ABCA4: variants seen among roughly 807,000 people sequenced by gnomAD.
ABCA4 encodes retinal-specific phospholipid-transporting ATPase ABCA4.
ABCA4 carries 196 observed loss-of-function variants against 263.7 expected under a neutral mutation model. The observed-to-expected ratio is 0.74, with a 90% CI of 0.66 to 0.84. The LOEUF (loss-of-function observed/expected upper bound fraction) is 0.84. ABCA4 is among the 40% of genes least tolerant of loss of function. The probability of loss-of-function intolerance (pLI) is 0.00; values close to 1 mark genes in which losing one functional copy is unlikely to be tolerated. For synonymous variants in ABCA4, 1,133 were observed against 1,094.2 expected (o/e 1.04, Z -0.70); for missense variants, 2,792 against 2,855.1 (o/e 0.98, Z 0.50).
chr1:94,094,493 A>G (rs1196755625), intron 6 of ABCA4, among the ~76,000 whole-genome samples: 3 of 152,204 alleles, frequency 2.0e-5, no homozygotes, highest in Non-Finnish European at 2.9e-5. Context: ...AAGCTGAATC[A>G]TGCCACACTG....
chr1:94,001,943 C>T lies in ABCA4; in HGVS notation c.6197G>A (p.Cys2066Tyr), dbSNP rs146991223. 3 of 1,614,194 alleles carry T rather than the reference C, an allele frequency of 1.9e-6. No individual in the cohort carries two copies. Among genetic ancestry groups the T allele is most frequent in the Non-Finnish European group, 2.5e-6 (3 of 1,180,026 alleles). Residue 2066 changes from cysteine (C) to tyrosine (Y), a missense_variant, in exon 45 of 50, where the codon TGC becomes TAC. Transcript: ENST00000370225. ...GCCCCCACTGTACGTGCCAGCCAGG[C>T]AGTCGGCGTAGACAGTCAGGCCCAG... Reference protein sequence around the residue: ...KSLGLTVYADCLAGTYSGGNK... With the variant: ...KSLGLTVYADYLAGTYSGGNK...
intron 6 of ABCA4, among the ~76,000 whole-genome samples, chr1:94,090,807 G>C (rs1661948662): frequency 6.6e-6 from 1 of 152,214 alleles, no homozygotes; most frequent in South Asian, 2.1e-4. Context: ...TAATTAATGA[G>C]TAAATAAACT....
chr1:94,036,557 A>G (rs545287684), intron 26 of ABCA4, among the ~76,000 whole-genome samples, 183 bp downstream of exon 26: 11 of 152,064 alleles, frequency 7.2e-5, no homozygotes, highest in Admixed American at 6.6e-4. Context: ...TTGTATTTTT[A>G]GTACAGATGG....
Position 94,031,125 on chromosome 1 carries a change from G to A in ABCA4, c.4129-5C>T. 1 of 1,614,024 alleles carries A rather than the reference G, an allele frequency of 6.2e-7. No individual in the cohort carries two copies. Among genetic ancestry groups the A allele is most frequent in the Non-Finnish European group, 8.5e-7 (1 of 1,179,964 alleles). Reference sequence around the variant, plus strand: ...AAAGGTAGCCGGGAGCACGATCTGTGGGAGAATAGACGTGGAATAAACATG... The same window carrying A: ...AAAGGTAGCCGGGAGCACGATCTGTAGGAGAATAGACGTGGAATAAACATG... On this transcript the variant is annotated splice_region_variant and splice_polypyrimidine_tract_variant and intron_variant, in intron 27 of 49. Coordinates refer to ENST00000370225, the MANE Select transcript of ABCA4 (RefSeq NM_000350.3).
At chr1:93,996,983 C>T (rs56260099) in intron 48 of ABCA4, among the ~76,000 whole-genome samples, 5,664 of 152,018 alleles carry the variant, frequency 0.037, 369 homozygotes, top group African/African-American at 0.13. Flanking sequence ...TTGCCAAGGG[C>T]GAGGGGGGCA....
chr1:94,061,564 G>A (rs961912304), intron 13 of ABCA4: 11 of 152,692 alleles, frequency 7.2e-5, no homozygotes, highest in African/African-American at 2.4e-4. Flanking sequence ...GCCCTAGGGA[G>A]AGAAGCATAT....
At chr1:94,059,818 G>A (rs889213431) in intron 14 of ABCA4, among the ~76,000 whole-genome samples, 2 of 152,230 alleles carry the variant, frequency 1.3e-5, no homozygotes, top group East Asian at 1.9e-4. Flanking sequence ...TATCATCTAC[G>A]GTGGAGGAGC....
Position 94,031,180 on chromosome 1 carries a change from G to T in ABCA4, c.4129-60C>A, listed in dbSNP as rs560414921. ...TGGCATGGAGATGTCACACGTGCGCGTGCACACACATCTTCATTCTTTTAA... is the reference window on the plus strand; with the variant it reads ...TGGCATGGAGATGTCACACGTGCGCTTGCACACACATCTTCATTCTTTTAA... On this transcript the variant is annotated intron_variant, in intron 27 of 49. Transcript: ENST00000370225. 90 of 1,600,944 alleles carry T rather than the reference G, an allele frequency of 5.6e-5. 1 individual carries two copies. Among genetic ancestry groups the T allele is most frequent in the Middle Eastern group, 5.0e-4 (3 of 6,046 alleles).
chr1:94,037,552 A>G (rs1660374593), intron 24 of ABCA4, among the ~76,000 whole-genome samples: 1 of 152,062 alleles, frequency 6.6e-6, no homozygotes, highest in Non-Finnish European at 1.5e-5. Context: ...TGAGAGGCAG[A>G]GGGAAACGGA....
chr1:94,035,401 A>T (rs1180703215), intron 26 of ABCA4, among the ~76,000 whole-genome samples: 1 of 152,166 alleles, frequency 6.6e-6, no homozygotes, highest in Non-Finnish European at 1.5e-5. Flanking sequence ...CCTGCCCCAC[A>T]CCCACTGTGC....
At chr1:94,094,826 G>A (rs774095595) in intron 6 of ABCA4, among the ~76,000 whole-genome samples, 2 of 152,156 alleles carry the variant, frequency 1.3e-5, no homozygotes, top group African/African-American at 2.4e-5. Flanking sequence ...GATGGGAAGC[G>A]TCCCAACCTC....
Position 94,098,732 on chromosome 1 carries a change from G to T in ABCA4, c.768+62C>A, listed in dbSNP as rs17111045. 18 of 1,582,748 alleles carry T rather than the reference G, an allele frequency of 1.1e-5. No homozygotes were observed. The South Asian group carries it at 1.8e-4, about 16-fold the overall frequency. On this transcript the variant is annotated intron_variant, in intron 6 of 49. Coordinates refer to ENST00000370225, the MANE Select transcript of ABCA4 (RefSeq NM_000350.3). ...CTCACGCCCTCCCCAAGGTCAATTC[G>T]TGAGGCTCTGCTACCCCAGGAATCA... is the stretch of plus-strand genomic sequence containing the variant.
At chr1:94,060,286 A>C (rs1661083478) in intron 14 of ABCA4, among the ~76,000 whole-genome samples, 4 of 152,148 alleles carry the variant, frequency 2.6e-5, no homozygotes, top group Admixed American at 2.6e-4. Flanking sequence ...ACGGAATGGG[A>C]CTGGGAAGTC....
chr1:94,096,837 T>C (rs1262433560), intron 6 of ABCA4, among the ~76,000 whole-genome samples: 1 of 152,188 alleles, frequency 6.6e-6, no homozygotes, highest in Non-Finnish European at 1.5e-5. Context: ...CCCTTCATGG[T>C]GACGAGAGGA....
At chr1:94,068,193 G>A (rs567748301) in intron 11 of ABCA4, among the ~76,000 whole-genome samples, 5 of 152,126 alleles carry the variant, frequency 3.3e-5, no homozygotes, top group South Asian at 2.1e-4. Flanking sequence ...CTGAGAGGGC[G>A]TGGGGCCTCA....
chr1:94,062,484 A>T, intron 13 of ABCA4, 93 bp downstream of exon 13: 2 of 1,506,462 alleles, frequency 1.3e-6, no homozygotes, highest in Non-Finnish European at 1.8e-6. Flanking sequence ...CTCTAAAGAC[A>T]TGGAAGCCTT....
Position 94,056,721 on chromosome 1 carries a change from G to C in ABCA4, c.2262C>G (p.Phe754Leu), listed in dbSNP as rs375943659. Residue 754 changes from phenylalanine to leucine, a missense_variant, in exon 15 of 50, where the codon TTC (phenylalanine) becomes TTG (leucine). Phe to Leu is a conservative substitution (Grantham distance 22). Coordinates refer to ENST00000370225, the MANE Select transcript of ABCA4 (RefSeq NM_000350.3). ...CTGCTGCCAGACTGGCCTTGGAGAA[G>C]AAGGTGCTGAGCAGAAAGCACAGCA... ...TIMLCFLLST[F>L]FSKASLAAAC... 1 of 1,614,122 alleles carries C rather than the reference G, an allele frequency of 6.2e-7. No homozygotes were observed. Among genetic ancestry groups the C allele is most frequent in the Non-Finnish European group, 8.5e-7 (1 of 1,179,998 alleles).
At chr1:94,009,182 C>T (rs1659481103) in intron 40 of ABCA4, among the ~76,000 whole-genome samples, 1 of 152,058 alleles carries the variant, frequency 6.6e-6, no homozygotes, top group African/African-American at 2.4e-5. Context: ...ATACCTGTCT[C>T]ATAGGATTGT....
rs1553189507 is a variant in ABCA4, at chr1:94,031,121, C to T, written c.4129-1G>A. On this transcript the variant is annotated splice_acceptor_variant, in intron 27 of 49. Transcript: ENST00000370225. LOFTEE classifies it high-confidence loss of function. Reference sequence around the variant, plus strand: ...ACACAAAGGTAGCCGGGAGCACGATCTGTGGGAGAATAGACGTGGAATAAA... The same window carrying T: ...ACACAAAGGTAGCCGGGAGCACGATTTGTGGGAGAATAGACGTGGAATAAA... 1.2e-6 allele frequency: 2 copies of T among 1,614,082 alleles called. No individual in the cohort carries two copies. Among genetic ancestry groups the T allele is most frequent in the Non-Finnish European group, 1.7e-6 (2 of 1,179,980 alleles).
Sources: gnomAD v4.1 joint callset for allele counts (sites outside exome capture counted in the v4.1 genomes callset) on GRCh38, gnomAD v4.1.1 for gene constraint, MANE v1.5 for transcripts, NCBI Gene and HGNC (gene_info 2026-07-23, HGNC 2026-07-21) for gene names.